The following ACVRL1 variants were observed in gnomAD, a reference collection of about 807,000 sequenced individuals.
The protein encoded by ACVRL1 is activin A receptor like type 1.
Under a neutral mutation model 51.9 loss-of-function variants are expected in ACVRL1, and 20 were observed. The ratio of observed to expected loss-of-function variants is 0.39; its 90% CI spans 0.27 to 0.56. The LOEUF (loss-of-function observed/expected upper bound fraction) is 0.56. ACVRL1 is among the 20% of genes least tolerant of loss of function. ACVRL1 has a pLI of 0.67. For synonymous variants in ACVRL1, 288 were observed against 280.9 expected, an observed-to-expected ratio of 1.03 and a Z score of -0.25; for missense variants, 451 against 670.3, an observed-to-expected ratio of 0.67 and a Z score of 3.61.
chr12:51,910,133 A>C (rs922590866), intron 1 of ACVRL1, among the ~76,000 whole-genome samples: 1 of 152,200 alleles, frequency 6.6e-6, no homozygotes, highest in Non-Finnish European at 1.5e-5. Flanking sequence ...ATTTTACTCC[A>C]TCACATTCCC....
intron 1 of ACVRL1, 24 bp from the exon 2 acceptor site, chr12:51,912,446 C>T (rs1940711558): frequency 6.2e-6 from 10 of 1,613,580 alleles, no homozygotes; most frequent in Non-Finnish European, 7.6e-6. Flanking sequence ...GCTCTTACTC[C>T]ACCTCTCTTG....
At chr12:51,912,604 G>C (rs539452004) in intron 2 of ACVRL1, 69 bp downstream of exon 2, 2 of 1,348,880 alleles carry the variant, frequency 1.5e-6, no homozygotes, top group South Asian at 2.4e-5. Context: ...GCCCAGATCA[G>C]CTCTGCCTGG....
At chr12:51,918,948 G>A in intron 8 of ACVRL1, 37 bp from the exon 9 acceptor site, 5 of 1,614,194 alleles carry the variant, frequency 3.1e-6, no homozygotes, top group Non-Finnish European at 4.2e-6. Context: ...CCTCCTTAGA[G>A]TCCCAAGTGA....
chr12:51,921,018 C>A lies in ACVRL1; in HGVS notation c.*125C>A, dbSNP rs995684621. ...TGCTGGGGATGGGCAGCTGCGCCTGCCTGCTCGGCCCCCAGCCCACCCAGC... is the reference window on the plus strand; with the variant it reads ...TGCTGGGGATGGGCAGCTGCGCCTGACTGCTCGGCCCCCAGCCCACCCAGC... On this transcript the variant is annotated 3_prime_UTR_variant, in exon 10 of 10. Transcript: ENST00000388922. 4 of 1,192,324 alleles carry A rather than the reference C, an allele frequency of 3.4e-6. No individual in the cohort carries two copies. Among genetic ancestry groups the A allele is most frequent in the Non-Finnish European group, 4.8e-6 (4 of 837,736 alleles). The allele number at this position is 1,192,324 out of a possible 1,614,324, so 73.9% of individuals were successfully genotyped here.
chr12:51,911,339 A>G (rs1940683934), intron 1 of ACVRL1, among the ~76,000 whole-genome samples: 1 of 152,232 alleles, frequency 6.6e-6, no homozygotes, highest in African/African-American at 2.4e-5. Context: ...AAACTTCTGG[A>G]AAAGTTCAAC....
chr12:51,919,202 T>A, intron 9 of ACVRL1, 87 bp downstream of exon 9: 1 of 1,589,642 alleles, frequency 6.3e-7, no homozygotes, highest in South Asian at 1.1e-5. Flanking sequence ...CTGAGGCCTC[T>A]GCTTCATCTC....
chr12:51,920,352 C>G (rs1320447675), intron 9 of ACVRL1, among the ~76,000 whole-genome samples: 1 of 152,190 alleles, frequency 6.6e-6, no homozygotes, highest in Non-Finnish European at 1.5e-5. Flanking sequence ...CGGCCCCTTC[C>G]TATGGATCTT....
chr12:51,915,609 G>A, intron 7 of ACVRL1, 109 bp downstream of exon 7: 3 of 1,403,228 alleles, frequency 2.1e-6, no homozygotes, highest in Non-Finnish European at 2.8e-6. Context: ...AAAATTTAGA[G>A]GTGCATGTTG....
chr12:51,916,196 G>A lies in ACVRL1; in HGVS notation c.1209G>A (p.Leu403=). 1 of 1,614,194 alleles carries A rather than the reference G, an allele frequency of 6.2e-7. No homozygotes were observed. Among genetic ancestry groups the A allele is most frequent in the African/African-American group, 1.3e-5 (1 of 75,062 alleles). Residue 403 remains leucine, a synonymous_variant, in exon 8 of 10, where the codon CTG becomes CTA. Coordinates refer to ENST00000388922, the MANE Select transcript of ACVRL1 (RefSeq NM_000020.3). Reference sequence around the variant, plus strand: ...GGACTGACATCTGGGCCTTTGGCCTGGTGCTGTGGGAGATTGCCCGCCGGA... The same window carrying A: ...GGACTGACATCTGGGCCTTTGGCCTAGTGCTGTGGGAGATTGCCCGCCGGA... The part of the protein sequence containing the change: ...YKWTDIWAFG[L]VLWEIARRTI...
At position 51,916,118 on chromosome 12, in the gene ACVRL1, A is replaced by G. The variant is rs61734313; in HGVS notation, c.1131A>G (p.Ala377=). Residue 377 remains alanine (A), a synonymous_variant, in exon 8 of 10, where the codon GCA becomes GCG. Transcript: ENST00000388922. ...NPRVGTKRYM[A]PEVLDEQIRT... is the part of the protein sequence containing the mutation. ...GAGTGGGCACCAAGCGGTACATGGCACCCGAGGTGCTGGACGAGCAGATCC... is the reference window on the plus strand; with the variant it reads ...GAGTGGGCACCAAGCGGTACATGGCGCCCGAGGTGCTGGACGAGCAGATCC... 1.7e-3 allele frequency: 2,690 copies of G among 1,613,782 alleles called. 42 individuals carry two copies. The African/African-American group carries it at 0.032, about 19-fold the overall frequency.
chr12:51,912,163 G>A (rs1940703757), intron 1 of ACVRL1, among the ~76,000 whole-genome samples: 1 of 152,180 alleles, frequency 6.6e-6, no homozygotes, highest in African/African-American at 2.4e-5. Flanking sequence ...GCTCCCTGCG[G>A]CTCTCCCAAC....
rs1449077255 is a variant in ACVRL1 at position 51,917,679 on chromosome 12, C to A, written c.1247-1306C>A. 6.6e-6 allele frequency among the ~76,000 whole-genome samples: 1 copy of A among 152,116 alleles called. No individual in the cohort carries two copies. Among genetic ancestry groups the A allele is most frequent in the Non-Finnish European group, 1.5e-5 (1 of 68,028 alleles). On this transcript the variant is annotated intron_variant, in intron 8 of 9. Transcript: ENST00000388922. This position sits in a 1 kb window ranked among gnomAD's most constrained non-coding sequence, Gnocchi z 4.2. ...AAACAGAGGCTGTGGTGTCACCGGT[C>A]CCTTGGGGAGACTCACGAGGTGCTT...
At chr12:51,910,396 T>G (rs1198882071) in intron 1 of ACVRL1, among the ~76,000 whole-genome samples, 1 of 152,144 alleles carries the variant, frequency 6.6e-6, no homozygotes, top group Non-Finnish European at 1.5e-5. Context: ...CCTGGGGAAC[T>G]TTTAAAAAAT....
rs376417482 is a variant in ACVRL1 at position 51,913,340 on chromosome 12, G to A, written c.303G>A (p.Leu101=). The A allele has an allele frequency of 1.9e-6, 3 of 1,612,074 alleles. No individual in the cohort carries two copies. The highest frequency in any genetic ancestry group is 2.5e-6 in the Non-Finnish European group (3 of 1,179,572). Residue 101 remains leucine, a synonymous_variant, in exon 3 of 10, where the codon CTG becomes CTA. Coordinates refer to ENST00000388922, the MANE Select transcript of ACVRL1 (RefSeq NM_000020.3). The part of the protein sequence containing the change: ...DSHLCNHNVS[L]VLEATQPPSE... ...ACCTCTGCAACCACAACGTGTCCCT[G>A]GTGCTGGAGGGTACGTCCAGCTGCC...
intron 8 of ACVRL1, among the ~76,000 whole-genome samples, chr12:51,916,914 C>T (rs1044235512): frequency 1.1e-4 from 16 of 152,074 alleles, no homozygotes; most frequent in African/African-American, 2.7e-4. Context: ...GCAGAGGTTG[C>T]GGTGAGCCAA....
At chr12:51,908,732 T>C (rs201288460) in intron 1 of ACVRL1, among the ~76,000 whole-genome samples, 1 of 152,222 alleles carries the variant, frequency 6.6e-6, no homozygotes, top group African/African-American at 2.4e-5. Flanking sequence ...ACCTATGAGA[T>C]AACACTATTA....
intron 7 of ACVRL1, 109 bp from the exon 8 acceptor site, chr12:51,915,927 C>T: frequency 8.1e-7 from 1 of 1,241,060 alleles, no homozygotes; most frequent in Non-Finnish European, 1.1e-6. Context: ...TGCACGTCTC[C>T]ATCTGCCTTC....
chr12:51,915,519 G>T lies in ACVRL1; in HGVS notation c.1048+19G>T. 6.3e-7 allele frequency: 1 copy of T among 1,598,974 alleles called. No individual in the cohort carries two copies. On this transcript the variant is annotated intron_variant, in intron 7 of 9. Coordinates refer to ENST00000388922, the MANE Select transcript of ACVRL1 (RefSeq NM_000020.3). ...GACCTGGGTGAGCCGGGCGGGGCAG[G>T]GGCGCGCCCTTCACAGGTGGGCGGA...
chr12:51,916,008 G>A, intron 7 of ACVRL1, 28 bp from the exon 8 acceptor site: 2 of 1,606,112 alleles, frequency 1.2e-6, no homozygotes, highest in Non-Finnish European at 1.7e-6. Flanking sequence ...TGGGAGAGGG[G>A]CAGGAGTGAC....
Sources: gnomAD v4.1 joint callset for allele counts (sites outside exome capture counted in the v4.1 genomes callset) on GRCh38, gnomAD v4.1.1 for gene constraint, Gnocchi (gnomAD v3.1) non-coding constraint, MANE v1.5 for transcripts, NCBI Gene and HGNC (gene_info 2026-07-23, HGNC 2026-07-21) for gene names.